The following RBM19 variants were observed in gnomAD, a reference collection of about 807,000 sequenced individuals.
RBM19 encodes the protein RNA binding motif protein 19.
A neutral mutation model predicts 116.8 loss-of-function variants in RBM19; 94 were observed. That is an observed-to-expected ratio of 0.80 (90% confidence interval 0.68 to 0.95). The LOEUF is 0.95. Among genes scored for constraint, RBM19 ranks in the 40% least tolerant of loss-of-function variants. The pLI, the probability that RBM19 is intolerant of heterozygous loss-of-function variation, is 0.00. For synonymous variants in RBM19, 475 were observed against 494.1 expected (o/e 0.96, Z 0.51); for missense variants, 1,161 against 1,220.7 (o/e 0.95, Z 0.73).
intron 7 of RBM19, among the ~76,000 whole-genome samples, chr12:113,954,523 T>A (rs558737374): frequency 2.1e-4 from 32 of 152,340 alleles, no homozygotes; most frequent in Middle Eastern, 3.4e-3. Flanking sequence ...AGCACCCCTC[T>A]CACTCTCAAT....
In RBM19 at chr12:113,837,258, C is replaced by CACACAT. The variant is rs775764734; in HGVS notation, c.2785+7409_2785+7410insATGTGT. Among the ~76,000 whole-genome samples, 734 of 151,372 alleles carry CACACAT rather than the reference C, an allele frequency of 4.8e-3. 7 individuals carry two copies. The highest frequency in any genetic ancestry group is 8.5e-3 in the Non-Finnish European group (573 of 67,780). On this transcript the variant is annotated intron_variant, in intron 23 of 23. Coordinates refer to ENST00000261741, the MANE Select transcript of RBM19 (RefSeq NM_016196.4). ...CCCATCCTCCTAATACACACACACA[C>CACACAT]ACACACACACACACACACACGTGTG...
chr12:113,962,436 G>A (rs765438748), intron 1 of RBM19, 22 bp from the exon 2 acceptor site: 2 of 1,604,976 alleles, frequency 1.2e-6, no homozygotes, highest in South Asian at 1.1e-5. Context: ...GGAAAGGAAT[G>A]AGAGACGAAC....
chr12:113,950,684 C>T (rs565326068), intron 8 of RBM19, among the ~76,000 whole-genome samples: 1 of 152,268 alleles, frequency 6.6e-6, no homozygotes, highest in Admixed American at 6.5e-5. Flanking sequence ...GGGTGAGGAC[C>T]ATTCCCCTGC....
intron 7 of RBM19, among the ~76,000 whole-genome samples, 180 bp from the exon 8 acceptor site, chr12:113,952,770 T>C (rs1871582542): frequency 6.6e-6 from 1 of 152,182 alleles, no homozygotes; most frequent in Non-Finnish European, 1.5e-5. Flanking sequence ...AAAAGAAAAT[T>C]GGAGGAGAAA....
chr12:113,958,398 G>A (rs1051430936), intron 5 of RBM19, among the ~76,000 whole-genome samples: 2 of 152,130 alleles, frequency 1.3e-5, no homozygotes, highest in African/African-American at 2.4e-5. Context: ...AATGCTCAGG[G>A]TGAAATCCAG....
chr12:113,942,912 C>T (rs1415759869), intron 13 of RBM19, among the ~76,000 whole-genome samples: 2 of 152,124 alleles, frequency 1.3e-5, no homozygotes, highest in Non-Finnish European at 2.9e-5. Flanking sequence ...TGCTTGGCCC[C>T]CCAGTGGCTC....
intron 21 of RBM19, among the ~76,000 whole-genome samples, chr12:113,870,030 A>T (rs1879105754): frequency 6.6e-6 from 1 of 152,104 alleles, no homozygotes; most frequent in Non-Finnish European, 1.5e-5. Flanking sequence ...GGATTTAACT[A>T]CCCCTGGGGT....
chr12:113,879,144 G>A (rs1458976231), intron 21 of RBM19, among the ~76,000 whole-genome samples: 4 of 152,136 alleles, frequency 2.6e-5, no homozygotes, highest in African/African-American at 9.7e-5. Context: ...TCAATCCATG[G>A]GGAAGGAAAG....
rs966770289 is a variant in RBM19 at position 113,825,244 on chromosome 12, G to A, written c.2786-1923C>T. ...CCCATGGTGAGCGTGCAGAAGGTGC[G>A]GGAGGTGCCCACCTGCCTGCCACCT... is the stretch of plus-strand genomic sequence containing the variant. On this transcript the variant is annotated intron_variant, in intron 23 of 23. Coordinates refer to ENST00000261741, the MANE Select transcript of RBM19 (RefSeq NM_016196.4). The surrounding 1 kb of genome is among the most constrained non-coding windows in gnomAD (Gnocchi z 5.7). Among the ~76,000 whole-genome samples, 1 of 152,170 alleles carries A rather than the reference G, an allele frequency of 6.6e-6. No individual in the cohort carries two copies. The highest frequency in any genetic ancestry group is 2.4e-5 in the African/African-American group (1 of 41,434).
At chr12:113,845,346 A>G (rs927218166) in intron 22 of RBM19, among the ~76,000 whole-genome samples, 2 of 150,452 alleles carry the variant, frequency 1.3e-5, no homozygotes, top group Admixed American at 6.6e-5. Flanking sequence ...CCCAGCTCCC[A>G]CCCCCAGCTC....
At chr12:113,876,767 G>C (rs1156608383) in intron 21 of RBM19, among the ~76,000 whole-genome samples, 1 of 151,930 alleles carries the variant, frequency 6.6e-6, no homozygotes, top group Non-Finnish European at 1.5e-5. Flanking sequence ...CTACAGCCTA[G>C]GTGACAGTGA....
intron 23 of RBM19, among the ~76,000 whole-genome samples, chr12:113,837,244 A>AACAC (rs1328905404): frequency 2.2e-4 from 3 of 13,564 alleles, no homozygotes; most frequent in African/African-American, 6.1e-4. Context: ...CCATCCTCCT[A>AACAC]ATACACACAC....
At chr12:113,844,361 C>G (rs1191877499) in intron 23 of RBM19, among the ~76,000 whole-genome samples, 2 of 152,230 alleles carry the variant, frequency 1.3e-5, no homozygotes, top group African/African-American at 4.8e-5. Flanking sequence ...ACCTGGCAGG[C>G]AGGGAGGGAT....
intron 21 of RBM19, among the ~76,000 whole-genome samples, chr12:113,906,135 A>C (rs1422776009): frequency 6.6e-6 from 1 of 152,268 alleles, no homozygotes; most frequent in Admixed American, 6.5e-5. Context: ...TACACTCTAC[A>C]GGGACACATG....
rs1872567700 is a variant in RBM19, at chr12:113,962,276, G to T, written c.175C>A (p.Gln59Lys). ...FKSEEEAQKAQKHFNKSFIDT... is the reference protein window; with the variant it reads ...FKSEEEAQKAKKHFNKSFIDT... ...ATGAAGCTCTTGTTGAAATGCTTCTGTGCCTTCTGGGCCTCTTCCTCGGAC... is the reference window on the plus strand; with the variant it reads ...ATGAAGCTCTTGTTGAAATGCTTCTTTGCCTTCTGGGCCTCTTCCTCGGAC... The change falls in exon 2 of 24, where the codon CAG (glutamine) becomes AAG (lysine). Residue 59 changes from glutamine to lysine, a missense_variant. Coordinates refer to ENST00000261741, the MANE Select transcript of RBM19 (RefSeq NM_016196.4). The T allele has an allele frequency of 1.9e-6, 3 of 1,614,260 alleles. No homozygotes were observed. Among genetic ancestry groups the T allele is most frequent in the South Asian group, 2.2e-5 (2 of 91,090 alleles).
rs763500969 is a variant in RBM19 at position 113,942,353 on chromosome 12, T to G, written c.1708A>C (p.Asn570His). The change falls in exon 14 of 24, where the codon AAC (asparagine) becomes CAC (histidine). Residue 570 changes from asparagine to histidine, a missense_variant. By Grantham distance (68) the Asn-to-His change is moderately conservative. Coordinates refer to ENST00000261741, the MANE Select transcript of RBM19 (RefSeq NM_016196.4). ...CTGAAGGAATCCAGGCTGACCCCGT[T>G]GTCTATGAGAAAACGCCGCACTTCC... ...VQEVRRFLID[N>H]GVSLDSFSQA... 8 of 1,607,524 alleles carry G rather than the reference T, an allele frequency of 5.0e-6. No homozygotes were observed. Among genetic ancestry groups the G allele is most frequent in the East Asian group, 2.2e-5 (1 of 44,770 alleles).
At chr12:113,913,162 C>CT (rs2135850021) in intron 21 of RBM19, among the ~76,000 whole-genome samples, 1 of 152,306 alleles carries the variant, frequency 6.6e-6, no homozygotes, top group Admixed American at 6.5e-5. Context: ...CCTAAATATA[C>CT]TGCAGAACCA....
intron 21 of RBM19, among the ~76,000 whole-genome samples, chr12:113,872,080 G>C (rs1879250837): frequency 1.4e-5 from 2 of 146,476 alleles, no homozygotes; most frequent in Non-Finnish European, 3.0e-5. Flanking sequence ...AGGAAGTGAG[G>C]AGCGCCTCTT....
At chr12:113,966,037 G>C in intron 1 of RBM19, 155 bp downstream of exon 1, 4 of 793,094 alleles carry the variant, frequency 5.0e-6, no homozygotes, top group Non-Finnish European at 8.2e-6. Context: ...ATCAAATGGG[G>C]ATAAGCCCAG....
Sources: allele counts gnomAD v4.1 joint callset (sites outside exome capture counted in the v4.1 genomes callset), GRCh38; gene constraint gnomAD v4.1.1; non-coding constraint Gnocchi (gnomAD v3.1); transcripts MANE v1.5; gene names NCBI Gene and HGNC (gene_info 2026-07-23, HGNC 2026-07-21).